KIAA2012: variants seen among roughly 807,000 people sequenced by gnomAD.
The protein encoded by KIAA2012 is uncharacterized protein KIAA2012.
Under a neutral mutation model 150.6 loss-of-function variants are expected in KIAA2012, and 125 were observed. The ratio of observed to expected loss-of-function variants is 0.83; its 90% CI spans 0.72 to 0.96. The LOEUF (loss-of-function observed/expected upper bound fraction) is 0.96, where lower values mean the gene tolerates loss of function less well. KIAA2012 is among the 40% of genes least tolerant of loss of function. The pLI is 0.00. For synonymous variants in KIAA2012, 462 were observed against 504.7 expected, an observed-to-expected ratio of 0.92 and a Z score of 1.13; for missense variants, 1,219 against 1,354.9, an observed-to-expected ratio of 0.90 and a Z score of 1.57.
chr2:202,179,888 T>A (rs1692082478), intron 15 of KIAA2012: 20 of 714,592 alleles, frequency 2.8e-5, no homozygotes, highest in Non-Finnish European at 2.9e-5. Context: ...AAGGAAAGCT[T>A]TGAAGGCCAA....
At chr2:202,141,831 G>C (rs530879267) in intron 13 of KIAA2012, among the ~76,000 whole-genome samples, 117 of 152,146 alleles carry the variant, frequency 7.7e-4, no homozygotes, top group African/African-American at 2.6e-3. Flanking sequence ...TCTGTGTAGA[G>C]GCCGCAGGTT....
At position 202,109,627 on chromosome 2, in the gene KIAA2012, C is replaced by T. The variant is rs1239924923; in HGVS notation, c.1489C>T (p.Pro497Ser). ...TGTTTTTAAAGATGATGATGCCCCACCTCACGATGTGGCCCCACCATTGGA... is the reference window on the plus strand; with the variant it reads ...TGTTTTTAAAGATGATGATGCCCCATCTCACGATGTGGCCCCACCATTGGA... ...TLSPQDDDAP[P>S]HDVAPPLDLL... is the part of the protein sequence containing the mutation. Residue 497 changes from proline (P) to serine (S), a missense_variant, in exon 10 of 24, where the codon CCT (proline) becomes TCT (serine). Physicochemically the swap from Pro to Ser is moderately conservative, Grantham distance 74 (BLOSUM62 -1). Transcript: ENST00000498697. 2.9e-5 allele frequency: 45 copies of T among 1,534,994 alleles called. No homozygotes were observed. The highest frequency in any genetic ancestry group is 3.9e-5 in the Non-Finnish European group (44 of 1,142,380).
intron 9 of KIAA2012, chr2:202,106,155 G>A (rs1690185305): frequency 8.9e-7 from 1 of 1,129,606 alleles, no homozygotes; most frequent in South Asian, 1.6e-5. Flanking sequence ...TATTTTAACA[G>A]TGTCCAGCTC....
At chr2:202,190,130 A>T in intron 18 of KIAA2012, 44 bp from the exon 19 acceptor site, 1 of 1,429,400 alleles carries the variant, frequency 7.0e-7, no homozygotes, top group Non-Finnish European at 9.3e-7. Context: ...TGATCACATT[A>T]AGTTAACTCA....
intron 11 of KIAA2012, among the ~76,000 whole-genome samples, chr2:202,119,669 TG>T (rs1690613266): frequency 6.6e-6 from 1 of 151,776 alleles, no homozygotes; most frequent in African/African-American, 2.4e-5. Context: ...GGAGTGGGGG[TG>T]GGGGACTATG....
chr2:202,089,373 G>A (rs188794625), intron 2 of KIAA2012, among the ~76,000 whole-genome samples: 265 of 152,278 alleles, frequency 1.7e-3, no homozygotes, highest in Admixed American at 3.6e-3. Flanking sequence ...CACCTGCTTC[G>A]AAACATCTTT....
intron 19 of KIAA2012, among the ~76,000 whole-genome samples, chr2:202,191,150 G>A (rs771807852): frequency 1.2e-4 from 18 of 152,220 alleles, no homozygotes; most frequent in Admixed American, 5.2e-4. Flanking sequence ...AGTGGTGCAC[G>A]CCTGTAATCC....
intron 15 of KIAA2012, among the ~76,000 whole-genome samples, chr2:202,173,367 C>T (rs1365842693): frequency 5.9e-5 from 9 of 152,198 alleles, no homozygotes; most frequent in Middle Eastern, 3.4e-3. Flanking sequence ...GCTGGGACTT[C>T]GAGACCAGCC....
At chr2:202,185,100 A>G (rs2105742349) in intron 16 of KIAA2012, among the ~76,000 whole-genome samples, 1 of 152,270 alleles carries the variant, frequency 6.6e-6, no homozygotes, top group Middle Eastern at 3.4e-3. Flanking sequence ...CTATGGGAAC[A>G]GCTCTTTCCA....
chr2:202,204,048 C>A (rs1287902449), intron 23 of KIAA2012, among the ~76,000 whole-genome samples: 1 of 150,328 alleles, frequency 6.7e-6, no homozygotes, highest in African/African-American at 2.4e-5. Context: ...GGATTACAGG[C>A]GTGAGCCACC....
intron 15 of KIAA2012, 90 bp downstream of exon 15, chr2:202,165,446 G>C (rs1559225940): frequency 2.3e-6 from 3 of 1,302,180 alleles, no homozygotes; most frequent in South Asian, 1.3e-5. Context: ...GGGAGGCCAG[G>C]CACGGTGGCT....
chr2:202,193,927 A>G (rs1322837488), intron 20 of KIAA2012, among the ~76,000 whole-genome samples: 2 of 152,238 alleles, frequency 1.3e-5, no homozygotes, highest in South Asian at 2.1e-4. Flanking sequence ...TTTGAAATCC[A>G]TAAGCATGAA....
At chr2:202,142,604 G>A (rs2105946438) in intron 13 of KIAA2012, among the ~76,000 whole-genome samples, 1 of 152,310 alleles carries the variant, frequency 6.6e-6, no homozygotes, top group African/African-American at 2.4e-5. Flanking sequence ...AAGTAGGAAG[G>A]GGACTTGTTT....
chr2:202,183,315 C>T (rs1047953034), intron 15 of KIAA2012, among the ~76,000 whole-genome samples: 3 of 151,108 alleles, frequency 2.0e-5, no homozygotes, highest in Non-Finnish European at 4.4e-5. Context: ...TGGCCACTTG[C>T]GAGACAGGTG....
At chr2:202,102,918 G>C (rs1439056814) in intron 7 of KIAA2012, 28 bp from the exon 8 acceptor site, 2 of 1,546,366 alleles carry the variant, frequency 1.3e-6, no homozygotes, top group Middle Eastern at 1.7e-4. Flanking sequence ...TACCTGCCAT[G>C]ATCGTTTTGT....
intron 2 of KIAA2012, among the ~76,000 whole-genome samples, chr2:202,081,224 A>G (rs1211066298): frequency 6.6e-6 from 1 of 152,218 alleles, no homozygotes; most frequent in Admixed American, 6.5e-5. Context: ...GTATGTATAC[A>G]CCACATCTTG....
chr2:202,092,995 C>T (rs1384302791), intron 3 of KIAA2012, 35 bp from the exon 4 acceptor site: 1 of 1,531,754 alleles, frequency 6.5e-7, no homozygotes. Flanking sequence ...TTGGCTACCA[C>T]TATTTCTATC....
Position 202,196,813 on chromosome 2 carries a change from A to C in KIAA2012, c.3201A>C (p.Gln1067His), listed in dbSNP as rs1373584894. The change falls in exon 22 of 24, where the codon CAA (glutamine) becomes CAC (histidine). Residue 1067 changes from glutamine to histidine, a missense_variant. By Grantham distance (24) the Gln-to-His change is conservative. Transcript: ENST00000498697. ...EEAERAEAEK[Q>H]RQEELEMQLE... The stretch of plus-strand genomic sequence containing the variant: ...TCTATTCTGCAGAGGCAGAGAAGCA[A>C]AGGCAAGAGGAATTGGAAATGCAGT... 6.4e-7 allele frequency: 1 copy of C among 1,550,406 alleles called. No homozygotes were observed. Among genetic ancestry groups the C allele is most frequent in the Non-Finnish European group, 8.7e-7 (1 of 1,146,946 alleles).
intron 14 of KIAA2012, among the ~76,000 whole-genome samples, chr2:202,164,484 C>T (rs1322048237): frequency 6.6e-6 from 1 of 152,174 alleles, no homozygotes; most frequent in Non-Finnish European, 1.5e-5. Flanking sequence ...GGATTGCAAG[C>T]AGCTTGTATG....
Sources: gnomAD v4.1 joint callset for allele counts (sites outside exome capture counted in the v4.1 genomes callset) on GRCh38, gnomAD v4.1.1 for gene constraint, MANE v1.5 for transcripts, NCBI Gene and HGNC (gene_info 2026-07-23, HGNC 2026-07-21) for gene names.